Variants in ROR1 observed in about 807,000 individuals in gnomAD.
ROR1 encodes the protein ROR family WNT receptor 1.
A neutral mutation model predicts 78.8 loss-of-function variants in ROR1; 19 were observed. That is an observed-to-expected ratio of 0.24 (90% CI 0.17 to 0.35). The LOEUF is 0.35. ROR1 is among the 10% of genes least tolerant of loss of function. The pLI is 1.00. For missense variants in ROR1, 917 were observed against 1,177.8 expected, an observed-to-expected ratio of 0.78 and a Z score of 3.24; for synonymous variants, 386 against 433.6, an observed-to-expected ratio of 0.89 and a Z score of 1.36.
chr1:63,798,174 T>C (rs1427011130), intron 1 of ROR1, among the ~76,000 whole-genome samples: 2 of 152,156 alleles, frequency 1.3e-5, no homozygotes, highest in East Asian at 1.9e-4. Context: ...TCTAGAGAAG[T>C]AGGAACTGGT....
chr1:63,958,659 C>T (rs1415087452), intron 1 of ROR1, among the ~76,000 whole-genome samples: 1 of 152,168 alleles, frequency 6.6e-6, no homozygotes, highest in Non-Finnish European at 1.5e-5. Context: ...CAGTCCAATG[C>T]TCATATAGTG....
chr1:63,783,127 G>A (rs1644663359), intron 1 of ROR1, among the ~76,000 whole-genome samples: 1 of 152,162 alleles, frequency 6.6e-6, no homozygotes, highest in Non-Finnish European at 1.5e-5. Flanking sequence ...GTGGAATGAA[G>A]CTGATCTCCA....
At chr1:64,086,134 A>AT in intron 4 of ROR1, among the ~76,000 whole-genome samples, 1 of 152,266 alleles carries the variant, frequency 6.6e-6, no homozygotes, top group Admixed American at 6.5e-5. Context: ...TTTTACTGCC[A>AT]TTTTTCAAAT....
At chr1:63,789,277 G>A in intron 1 of ROR1, 1 of 555,598 alleles carries the variant, frequency 1.8e-6, no homozygotes, top group Non-Finnish European at 3.4e-6. Flanking sequence ...CTAGAGGCAA[G>A]CCTCTTCTGA....
At chr1:63,948,666 G>T (rs1204496987) in intron 1 of ROR1, among the ~76,000 whole-genome samples, 1 of 152,174 alleles carries the variant, frequency 6.6e-6, no homozygotes, top group Non-Finnish European at 1.5e-5. Flanking sequence ...CCCCCAATAT[G>T]ATGGTATTAG....
intron 4 of ROR1, among the ~76,000 whole-genome samples, chr1:64,093,688 A>G (rs527643634): frequency 1.2e-3 from 189 of 152,126 alleles, no homozygotes; most frequent in Non-Finnish European, 1.7e-3. Flanking sequence ...TTTGTTTGTC[A>G]GGAAACTGAA....
chr1:63,944,303 A>G (rs534602354), intron 1 of ROR1, among the ~76,000 whole-genome samples: 1 of 152,346 alleles, frequency 6.6e-6, no homozygotes, highest in South Asian at 2.1e-4. Flanking sequence ...CAGAAGGTTG[A>G]AAAAGATGAC....
intron 4 of ROR1, among the ~76,000 whole-genome samples, chr1:64,076,641 G>T (rs1487668504): frequency 6.6e-6 from 1 of 152,184 alleles, no homozygotes; most frequent in African/African-American, 2.4e-5. Flanking sequence ...GAAGTCCACA[G>T]ACTATTTACC....
chr1:63,979,867 A>G (rs1176105822), intron 1 of ROR1, among the ~76,000 whole-genome samples: 1 of 152,244 alleles, frequency 6.6e-6, no homozygotes, highest in Non-Finnish European at 1.5e-5. Context: ...GAAAGATCTA[A>G]AACACAATTC....
At chr1:63,940,486 T>TAGACAGAC (rs1557573251) in intron 1 of ROR1, among the ~76,000 whole-genome samples, 3 of 97,012 alleles carry the variant, frequency 3.1e-5, no homozygotes, top group South Asian at 6.4e-4. Flanking sequence ...GATAGACAGA[T>TAGACAGAC]AGATAGACAG....
chr1:64,156,304 C>T (rs1247092395), intron 7 of ROR1, among the ~76,000 whole-genome samples: 1 of 152,158 alleles, frequency 6.6e-6, no homozygotes, highest in Non-Finnish European at 1.5e-5. Context: ...TGTGGCAGAC[C>T]GTCTTCTACT....
chr1:63,991,588 G>GCAGGT (rs1217923836), intron 1 of ROR1, among the ~76,000 whole-genome samples: 1 of 152,132 alleles, frequency 6.6e-6, no homozygotes, highest in African/African-American at 2.4e-5. Flanking sequence ...ACAGAAAGAG[G>GCAGGT]CAGGTCTTCT....
intron 1 of ROR1, among the ~76,000 whole-genome samples, chr1:63,950,529 A>T (rs1645926747): frequency 6.6e-6 from 1 of 152,188 alleles, no homozygotes; most frequent in Non-Finnish European, 1.5e-5. Flanking sequence ...TCTTTACTGC[A>T]TCCTGTTTTA....
intron 2 of ROR1, among the ~76,000 whole-genome samples, chr1:64,032,245 G>T (rs960399044): frequency 1.7e-4 from 26 of 151,304 alleles, no homozygotes; most frequent in African/African-American, 5.6e-4. Context: ...GGAGGCTGAG[G>T]CAGGAGAATG....
intron 1 of ROR1, among the ~76,000 whole-genome samples, chr1:63,847,039 C>G (rs1193798976): frequency 1.3e-5 from 2 of 152,170 alleles, no homozygotes; most frequent in African/African-American, 4.8e-5. Context: ...TTGCCTCTGT[C>G]CCCACAGCCC....
chr1:64,089,294 C>T (rs955337688), intron 4 of ROR1, among the ~76,000 whole-genome samples: 3 of 152,034 alleles, frequency 2.0e-5, no homozygotes, highest in Admixed American at 6.6e-5. Context: ...ACTGCAGACT[C>T]AACTTCCCAG....
chr1:63,869,769 G>A (rs2100357404), intron 1 of ROR1, among the ~76,000 whole-genome samples: 1 of 152,318 alleles, frequency 6.6e-6, no homozygotes, highest in Middle Eastern at 3.4e-3. Context: ...CCTGGTAGAG[G>A]CAGAGTGCTG....
intron 1 of ROR1, among the ~76,000 whole-genome samples, chr1:63,848,231 C>T (rs1645093374): frequency 6.6e-6 from 1 of 152,080 alleles, no homozygotes; most frequent in Non-Finnish European, 1.5e-5. Flanking sequence ...GGTGTGGCCA[C>T]CTTATTAATA....
intron 8 of ROR1, among the ~76,000 whole-genome samples, chr1:64,162,121 T>C (rs1222723875): frequency 2.6e-5 from 4 of 152,188 alleles, no homozygotes; most frequent in African/African-American, 9.7e-5. Flanking sequence ...GAGGCGAGGA[T>C]GAAAAAGGAA....
Sources: gnomAD v4.1 joint callset for allele counts (sites outside exome capture counted in the v4.1 genomes callset) on GRCh38, gnomAD v4.1.1 for gene constraint, MANE v1.5 for transcripts, NCBI Gene and HGNC (gene_info 2026-07-23, HGNC 2026-07-21) for gene names.